Variants in ERAP1 observed in about 807,000 individuals in gnomAD.
The protein encoded by ERAP1 is endoplasmic reticulum aminopeptidase 1.
ERAP1 carries 86 observed loss-of-function variants against 103.7 expected under a neutral mutation model. The ratio of observed to expected loss-of-function variants is 0.83; its 90% CI spans 0.70 to 0.99. The LOEUF (loss-of-function observed/expected upper bound fraction) is 0.99. ERAP1 is among the 50% of genes least tolerant of loss of function. ERAP1 has a pLI of 0.00. For missense variants in ERAP1, 1,009 were observed against 1,128.4 expected (o/e 0.89, Z 1.52); for synonymous variants, 398 against 402.4 (o/e 0.99, Z 0.13).
chr5:96,807,562 G>A (rs1022210587), intron 1 of ERAP1, among the ~76,000 whole-genome samples: 1 of 152,148 alleles, frequency 6.6e-6, no homozygotes, highest in East Asian at 1.9e-4. Flanking sequence ...CGCGCCCGGA[G>A]GGACAGGGAC....
the ERAP1 span, among the ~76,000 whole-genome samples, chr5:96,868,814 C>G: frequency 6.6e-6 from 1 of 152,106 alleles, no homozygotes; most frequent in African/African-American, 2.4e-5. Flanking sequence ...GAATCACTGC[C>G]CTAGGCTCTA....
chr5:96,909,525 A>G, the ERAP1 span: 2 of 1,418,738 alleles, frequency 1.4e-6, no homozygotes, highest in South Asian at 1.2e-5. Flanking sequence ...ATGGGCAAGA[A>G]CTGTGTTAAG....
At chr5:96,780,571 C>T (rs150593898) in intron 17 of ERAP1, 67 bp from the exon 18 acceptor site, 2 of 1,212,136 alleles carry the variant, frequency 1.6e-6, no homozygotes, top group East Asian at 2.3e-5. Context: ...TTTTAAGGGC[C>T]TCCTATATAT....
the ERAP1 span, among the ~76,000 whole-genome samples, chr5:96,847,040 A>T: frequency 6.6e-6 from 1 of 150,650 alleles, no homozygotes; most frequent in Non-Finnish European, 1.5e-5. Context: ...AGAGTTTGAG[A>T]CCAGCCTGAC....
At chr5:96,913,942 C>T in the ERAP1 span, among the ~76,000 whole-genome samples, 1 of 152,182 alleles carries the variant, frequency 6.6e-6, no homozygotes, top group African/African-American at 2.4e-5. Flanking sequence ...GTGAAAGAAA[C>T]CTAGTCAGGA....
chr5:96,889,831 TACACAC>T, the ERAP1 span, among the ~76,000 whole-genome samples: 11,140 of 148,690 alleles, frequency 0.075, 428 homozygotes, highest in African/African-American at 0.088. Context: ...AAAAAATACA[TACACAC>T]ACACACACAC....
chr5:96,767,110 G>A (rs945799948), intron 19 of ERAP1, among the ~76,000 whole-genome samples: 3 of 152,194 alleles, frequency 2.0e-5, no homozygotes, highest in Non-Finnish European at 4.4e-5. Flanking sequence ...TAAATAAGAT[G>A]TAAAAACACA....
chr5:96,762,483 T>G (rs1768357660), exon 20 of ERAP1: 5 of 646,390 alleles, frequency 7.7e-6, no homozygotes, highest in South Asian at 2.5e-5. Flanking sequence ...ATTAGGAAGA[T>G]CAGGCACCTT....
At chr5:96,921,531 T>C in the ERAP1 span, among the ~76,000 whole-genome samples, 2 of 152,260 alleles carry the variant, frequency 1.3e-5, no homozygotes, top group African/African-American at 4.8e-5. Context: ...AAATGCATAC[T>C]TAACTAACAA....
the ERAP1 span, among the ~76,000 whole-genome samples, chr5:96,843,413 A>G: frequency 6.6e-6 from 1 of 152,194 alleles, no homozygotes; most frequent in Non-Finnish European, 1.5e-5. Context: ...GTGAAGTTAC[A>G]AAGTTATACT....
At chr5:96,933,171 T>A in the ERAP1 span, among the ~76,000 whole-genome samples, 1 of 151,984 alleles carries the variant, frequency 6.6e-6, no homozygotes, top group East Asian at 1.9e-4. Flanking sequence ...CTGAAACATT[T>A]CGTTTGTTTA....
At chr5:96,877,769 A>C in the ERAP1 span, among the ~76,000 whole-genome samples, 1 of 152,294 alleles carries the variant, frequency 6.6e-6, no homozygotes, top group East Asian at 1.9e-4. Context: ...CTAATAGACC[A>C]ATTATGAGTG....
At chr5:96,802,760 A>T (rs1247125908) in intron 2 of ERAP1, among the ~76,000 whole-genome samples, 1 of 152,154 alleles carries the variant, frequency 6.6e-6, no homozygotes. Flanking sequence ...GGTCTTTACA[A>T]GTATCATGGA....
upstream of ERAP1, chr5:96,808,208 G>C (rs1434795105): frequency 5.5e-6 from 1 of 181,596 alleles, no homozygotes; most frequent in Non-Finnish European, 8.3e-6. Context: ...GTGTGTGTGT[G>C]TGTGTGTGTG....
chr5:96,882,950 A>C, the ERAP1 span, among the ~76,000 whole-genome samples: 3 of 152,210 alleles, frequency 2.0e-5, no homozygotes, highest in Admixed American at 1.3e-4. Context: ...ATTGAAGCTT[A>C]AAGTCCAAAG....
the ERAP1 span, chr5:96,917,624 A>C: frequency 2.8e-5 from 45 of 1,579,496 alleles, no homozygotes; most frequent in Non-Finnish European, 3.8e-5. Context: ...TAGAAAAAGT[A>C]GGCTGGGCGC....
At chr5:96,884,079 T>TATCA in the ERAP1 span, 6 of 585,344 alleles carry the variant, frequency 1.0e-5, no homozygotes, top group African/African-American at 4.1e-5. Context: ...TCTATCTATC[T>TATCA]ATCATCATAA....
At chr5:96,847,994 G>C in the ERAP1 span, among the ~76,000 whole-genome samples, 1 of 129,640 alleles carries the variant, frequency 7.7e-6, no homozygotes, top group Admixed American at 7.8e-5. Flanking sequence ...ATGAAATAGA[G>C]ACTAGAAAAA....
chr5:96,890,492 A>G, the ERAP1 span, among the ~76,000 whole-genome samples: 93,944 of 151,992 alleles, frequency 0.62, 29,167 homozygotes, highest in Middle Eastern at 0.74. Context: ...CCGCAGCCCT[A>G]GGGTTAGGGA....
Sources: allele counts gnomAD v4.1 joint callset (sites outside exome capture counted in the v4.1 genomes callset), GRCh38; gene constraint gnomAD v4.1.1; transcripts MANE v1.5; gene names NCBI Gene and HGNC (gene_info 2026-07-23, HGNC 2026-07-21).